PRKCE: variants seen among roughly 807,000 people sequenced by gnomAD.
PRKCE encodes the protein protein kinase C epsilon type.
Under a neutral mutation model 85.4 loss-of-function variants are expected in PRKCE, and 16 were observed. That is an observed-to-expected ratio of 0.19 (90% CI 0.13 to 0.28). The LOEUF is 0.28. Ranked by LOEUF, PRKCE falls within the 10% of genes least tolerant of loss-of-function variation. The pLI is 1.00. For missense variants in PRKCE, 573 were observed against 975.2 expected (o/e 0.59, Z 5.49); for synonymous variants, 388 against 371.5 (o/e 1.04, Z -0.51).
chr2:45,771,489 C>T (rs900351776), intron 1 of PRKCE, among the ~76,000 whole-genome samples: 2 of 152,142 alleles, frequency 1.3e-5, no homozygotes, highest in African/African-American at 2.4e-5. Context: ...TCCACAGTCC[C>T]CTGCAACGGC....
chr2:46,152,394 C>G (rs1480130288), intron 13 of PRKCE, among the ~76,000 whole-genome samples: 29 of 152,042 alleles, frequency 1.9e-4, no homozygotes, highest in Admixed American at 1.9e-3. Flanking sequence ...GTTGGCCAGG[C>G]TGGCCTTGAA....
At chr2:45,967,838 G>T (rs1426561611) in intron 2 of PRKCE, among the ~76,000 whole-genome samples, 1 of 152,106 alleles carries the variant, frequency 6.6e-6, no homozygotes, top group East Asian at 1.9e-4. Flanking sequence ...TAAATGACTT[G>T]TTCAAGGATA....
intron 1 of PRKCE, among the ~76,000 whole-genome samples, chr2:45,821,970 G>C (rs139005223): frequency 7.2e-5 from 11 of 152,264 alleles, no homozygotes; most frequent in African/African-American, 2.4e-4. Context: ...TACAGTGAAG[G>C]GCTTGAGGGG....
At chr2:45,743,327 T>C (rs768884423) in intron 1 of PRKCE, among the ~76,000 whole-genome samples, 29 of 152,196 alleles carry the variant, frequency 1.9e-4, no homozygotes, top group African/African-American at 5.8e-4. Context: ...GGTAATTACT[T>C]CACAATGTGC....
At chr2:46,080,825 A>G (rs1240513314) in intron 10 of PRKCE, among the ~76,000 whole-genome samples, 1 of 152,202 alleles carries the variant, frequency 6.6e-6, no homozygotes, top group Non-Finnish European at 1.5e-5. Context: ...TCAAGTCCAT[A>G]ACCAAATACT....
At chr2:45,778,005 G>T (rs1287791313) in intron 1 of PRKCE, among the ~76,000 whole-genome samples, 1 of 151,992 alleles carries the variant, frequency 6.6e-6, no homozygotes, top group East Asian at 1.9e-4. Context: ...GAGCAGGGCT[G>T]TGCAGAGAAA....
At chr2:46,115,704 G>A (rs1156454625) in intron 11 of PRKCE, among the ~76,000 whole-genome samples, 2 of 152,164 alleles carry the variant, frequency 1.3e-5, no homozygotes, top group Admixed American at 1.3e-4. Context: ...ATAAATCAGT[G>A]TTTTAGATGG....
At chr2:46,005,782 C>T (rs1418503573) in intron 8 of PRKCE, among the ~76,000 whole-genome samples, 1 of 152,184 alleles carries the variant, frequency 6.6e-6, no homozygotes, top group African/African-American at 2.4e-5. Context: ...AATTAACTTT[C>T]TGTGTCTTTA....
intron 14 of PRKCE, among the ~76,000 whole-genome samples, chr2:46,169,480 C>T (rs2104644850): frequency 6.6e-6 from 1 of 152,222 alleles, no homozygotes; most frequent in South Asian, 2.1e-4. Context: ...TTTCTTGGAG[C>T]ACAGAGCTTG....
chr2:45,683,046 TA>T (rs1256956606), intron 1 of PRKCE, among the ~76,000 whole-genome samples: 16 of 152,366 alleles, frequency 1.1e-4, no homozygotes, highest in African/African-American at 3.4e-4. Context: ...GAATAGTTTG[TA>T]ATGGCCTTAG....
chr2:45,932,550 A>G (rs1195834487), intron 2 of PRKCE, among the ~76,000 whole-genome samples: 1 of 152,052 alleles, frequency 6.6e-6, no homozygotes, highest in Non-Finnish European at 1.5e-5. Flanking sequence ...TTGCTTCACA[A>G]CCCTGCCAAA....
At chr2:45,867,816 C>T (rs1693728197) in intron 2 of PRKCE, among the ~76,000 whole-genome samples, 1 of 151,990 alleles carries the variant, frequency 6.6e-6, no homozygotes, top group African/African-American at 2.4e-5. Flanking sequence ...GTATATTATC[C>T]TTGTGAAAGG....
At chr2:45,768,426 G>T (rs62127173) in intron 1 of PRKCE, among the ~76,000 whole-genome samples, 28,247 of 152,128 alleles carry the variant, frequency 0.19, 3,250 homozygotes, top group Middle Eastern at 0.32. Context: ...CATTAGTTGG[G>T]TTCCCCCTTT....
chr2:45,935,092 CAT>C (rs1699343465), intron 2 of PRKCE, among the ~76,000 whole-genome samples: 3 of 151,442 alleles, frequency 2.0e-5, no homozygotes, highest in Admixed American at 6.6e-5. Context: ...CACACACACA[CAT>C]AGAAAATGGA....
chr2:46,131,199 G>A (rs1480544069), intron 11 of PRKCE, among the ~76,000 whole-genome samples: 1 of 152,200 alleles, frequency 6.6e-6, no homozygotes, highest in African/African-American at 2.4e-5. Context: ...GTAAAAGGAA[G>A]CAGTTGGCTG....
At chr2:46,084,375 T>A (rs1558435496) in intron 10 of PRKCE, among the ~76,000 whole-genome samples, 1 of 152,132 alleles carries the variant, frequency 6.6e-6, no homozygotes, top group Admixed American at 6.5e-5. Flanking sequence ...TGAGACCTAA[T>A]GGAAAATAAT....
In PRKCE at chr2:46,110,514, C is replaced by G. The variant is rs1672149743; in HGVS notation, c.1592+24152C>G. 2.0e-5 allele frequency among the ~76,000 whole-genome samples: 3 copies of G among 152,278 alleles called. No homozygotes were observed. In the South Asian group the frequency reaches 6.2e-4, roughly 32 times the overall value. On this transcript the variant is annotated intron_variant, in intron 11 of 14. Coordinates refer to ENST00000306156, the MANE Select transcript of PRKCE (RefSeq NM_005400.3). The stretch of plus-strand genomic sequence containing the variant: ...CAGCATTCATTTATTACTGTTTTCA[C>G]GTTCCCGTGATCAACAGTGATGACA...
At chr2:46,085,371 G>A (rs1453647832) in intron 10 of PRKCE, among the ~76,000 whole-genome samples, 2 of 152,172 alleles carry the variant, frequency 1.3e-5, no homozygotes, top group Non-Finnish European at 2.9e-5. Flanking sequence ...GGTCTCCTGG[G>A]ACTGCCTCAA....
intron 1 of PRKCE, among the ~76,000 whole-genome samples, chr2:45,752,655 G>A (rs1362813633): frequency 6.6e-6 from 1 of 152,066 alleles, no homozygotes; most frequent in East Asian, 1.9e-4. Context: ...ACTGAAGCAG[G>A]GCCTTGGTTT....
Sources: allele counts gnomAD v4.1 joint callset (sites outside exome capture counted in the v4.1 genomes callset), GRCh38; gene constraint gnomAD v4.1.1; transcripts MANE v1.5; gene names NCBI Gene and HGNC (gene_info 2026-07-23, HGNC 2026-07-21).